The following LTBP1 variants were observed in gnomAD, a reference collection of about 807,000 sequenced individuals.
LTBP1 encodes latent transforming growth factor beta binding protein 1, also known as latent-transforming growth factor beta-binding protein 1.
LTBP1 carries 129 observed loss-of-function variants against 207.6 expected under a neutral mutation model. The observed-to-expected ratio is 0.62, with a 90% CI of 0.54 to 0.72. The LOEUF is 0.72. Ranked by LOEUF, LTBP1 falls within the 30% of genes least tolerant of loss-of-function variation. The pLI is 0.00. For synonymous variants in LTBP1, 963 were observed against 833.7 expected (o/e 1.16, Z -2.67); for missense variants, 2,281 against 2,217.2 (o/e 1.03, Z -0.58).
chr2:32,994,445 C>T (rs1684926413), intron 2 of LTBP1, among the ~76,000 whole-genome samples: 1 of 151,802 alleles, frequency 6.6e-6, no homozygotes. Context: ...TCAGAGTCTG[C>T]ACGCTTATCT....
In LTBP1 at chr2:33,280,117, C is replaced by A; in HGVS notation, c.3071C>A (p.Pro1024His). 1 of 1,614,046 alleles carries A rather than the reference C, an allele frequency of 6.2e-7. No individual in the cohort carries two copies. Among genetic ancestry groups the A allele is most frequent in the East Asian group, 2.2e-5 (1 of 44,876 alleles). Reference sequence around the variant, plus strand: ...TCTCCTGGATCTTACCAGTGCGTTCCCTGCACAGAAGGATTCCGAGGCTGG... The same window carrying A: ...TCTCCTGGATCTTACCAGTGCGTTCACTGCACAGAAGGATTCCGAGGCTGG... Reference protein sequence around the residue: ...VNSPGSYQCVPCTEGFRGWNG... With the variant: ...VNSPGSYQCVHCTEGFRGWNG... The change falls in exon 19 of 34, where the codon CCC (proline) becomes CAC (histidine). Residue 1024 changes from proline (P) to histidine (H), a missense_variant. Coordinates refer to ENST00000404816, the MANE Select transcript of LTBP1 (RefSeq NM_206943.4).
chr2:33,124,304 G>A (rs1246921305), intron 4 of LTBP1, among the ~76,000 whole-genome samples: 1 of 152,178 alleles, frequency 6.6e-6, no homozygotes, highest in African/African-American at 2.4e-5. Context: ...CAGCTACTTG[G>A]GAGGCTGAGG....
At chr2:33,018,814 G>A (rs935954981) in intron 2 of LTBP1, among the ~76,000 whole-genome samples, 15 of 152,068 alleles carry the variant, frequency 9.9e-5, no homozygotes, top group African/African-American at 3.4e-4. Flanking sequence ...ACACACAAGT[G>A]CAGAGGCCAG....
intron 3 of LTBP1, among the ~76,000 whole-genome samples, chr2:33,065,878 T>C (rs1472643743): frequency 2.0e-5 from 3 of 152,220 alleles, no homozygotes; most frequent in East Asian, 1.9e-4. Flanking sequence ...TCGCTAGATA[T>C]AGGATTATTT....
intron 3 of LTBP1, among the ~76,000 whole-genome samples, chr2:33,064,735 A>G (rs1420016115): frequency 6.6e-6 from 1 of 152,230 alleles, no homozygotes; most frequent in Non-Finnish European, 1.5e-5. Context: ...CTATATAAAC[A>G]TTCTTGAAAA....
chr2:33,388,594 T>C (rs1232372228), intron 31 of LTBP1, among the ~76,000 whole-genome samples: 1 of 152,196 alleles, frequency 6.6e-6, no homozygotes, highest in East Asian at 1.9e-4. Flanking sequence ...TAGCTGTTGT[T>C]ATTACCACTA....
chr2:33,228,116 A>G (rs951308767), intron 9 of LTBP1, among the ~76,000 whole-genome samples: 1 of 152,070 alleles, frequency 6.6e-6, no homozygotes, highest in Non-Finnish European at 1.5e-5. Context: ...AGAAGCTCTT[A>G]TTATAGCTTT....
intron 5 of LTBP1, among the ~76,000 whole-genome samples, chr2:33,172,685 A>G (rs1346659149): frequency 2.0e-5 from 3 of 152,204 alleles, no homozygotes; most frequent in Non-Finnish European, 1.5e-5. Flanking sequence ...CTCCACCCCA[A>G]ATCAACAGAG....
intron 3 of LTBP1, among the ~76,000 whole-genome samples, chr2:33,107,618 C>T (rs2080142103): frequency 6.6e-6 from 1 of 152,158 alleles, no homozygotes; most frequent in South Asian, 2.1e-4. Context: ...GGGATAGTAG[C>T]TCTTCATCAG....
At chr2:33,270,732 G>C (rs755959733) in intron 15 of LTBP1, among the ~76,000 whole-genome samples, 1 of 152,028 alleles carries the variant, frequency 6.6e-6, no homozygotes, top group Non-Finnish European at 1.5e-5. Flanking sequence ...GTTTCAGAAA[G>C]TGTCCCTCTT....
intron 5 of LTBP1, among the ~76,000 whole-genome samples, chr2:33,152,605 G>T (rs2083631397): frequency 6.6e-6 from 1 of 152,108 alleles, no homozygotes; most frequent in African/African-American, 2.4e-5. Flanking sequence ...TACGAAAAAA[G>T]ATATTTTCTC....
chr2:33,215,967 C>T (rs2090667066), intron 7 of LTBP1, among the ~76,000 whole-genome samples: 1 of 152,132 alleles, frequency 6.6e-6, no homozygotes, highest in South Asian at 2.1e-4. Context: ...CCTGCCTCGG[C>T]CTCCCAAAGT....
rs1460449803 is a variant in LTBP1 at position 33,363,274 on chromosome 2, C to T, written c.4271-116C>T. On this transcript the variant is annotated intron_variant, in intron 28 of 33. Coordinates refer to ENST00000404816, the MANE Select transcript of LTBP1 (RefSeq NM_206943.4). Reference sequence around the variant, plus strand: ...GTTATATTGCTGTTTGTGTAGGATTCTTTGGAATGTAAATATTATAATATC... The same window carrying T: ...GTTATATTGCTGTTTGTGTAGGATTTTTTGGAATGTAAATATTATAATATC... The T allele has an allele frequency of 5.9e-6, 6 of 1,011,948 alleles. No homozygotes were observed. In the East Asian group the frequency reaches 1.6e-4, roughly 26 times the overall value. 62.7% of individuals were successfully genotyped at this position (1,011,948 alleles called of 1,614,324 possible). A position where few individuals can be genotyped will look rare whatever the true frequency, so the allele number is the denominator to read the frequency against.
chr2:33,124,979 A>G (rs921298966), intron 4 of LTBP1, among the ~76,000 whole-genome samples: 5 of 152,210 alleles, frequency 3.3e-5, no homozygotes, highest in Admixed American at 3.3e-4. Flanking sequence ...TAAAGATCTT[A>G]AGACTTGTTC....
intron 31 of LTBP1, among the ~76,000 whole-genome samples, chr2:33,378,456 T>A (rs2095172047): frequency 6.6e-6 from 1 of 152,066 alleles, no homozygotes; most frequent in African/African-American, 2.4e-5. Context: ...GGTTTCAAAC[T>A]CCTGAGCTCA....
At chr2:33,241,515 C>T (rs555477118) in intron 9 of LTBP1, among the ~76,000 whole-genome samples, 5 of 152,312 alleles carry the variant, frequency 3.3e-5, no homozygotes, top group East Asian at 1.9e-4. Flanking sequence ...TCTACATTAA[C>T]CTGGCAGCCA....
At chr2:32,959,621 A>ATAT (rs1475834284) in intron 2 of LTBP1, among the ~76,000 whole-genome samples, 1,206 of 36,696 alleles carry the variant, frequency 0.033, 77 homozygotes, top group East Asian at 0.075. Flanking sequence ...ATATATATAT[A>ATAT]TTTTTTTTTT....
chr2:33,155,707 A>C (rs2083920809), intron 5 of LTBP1, among the ~76,000 whole-genome samples: 1 of 151,808 alleles, frequency 6.6e-6, no homozygotes, highest in South Asian at 2.1e-4. Context: ...TTCCCACTGC[A>C]CTTCTGGTGT....
chr2:33,197,930 A>T (rs995958647), intron 7 of LTBP1, among the ~76,000 whole-genome samples: 14 of 152,204 alleles, frequency 9.2e-5, no homozygotes, highest in African/African-American at 3.4e-4. Context: ...ATGCTGAAAG[A>T]TCAGAAAATT....
Sources: gnomAD v4.1 joint callset for allele counts (sites outside exome capture counted in the v4.1 genomes callset) on GRCh38, gnomAD v4.1.1 for gene constraint, MANE v1.5 for transcripts, NCBI Gene and HGNC (gene_info 2026-07-23, HGNC 2026-07-21) for gene names.